Variants in CEP120 observed in about 807,000 individuals in gnomAD.
CEP120 encodes the protein centrosomal protein of 120 kDa.
Under a neutral mutation model 126.5 loss-of-function variants are expected in CEP120, and 113 were observed. The ratio of observed to expected loss-of-function variants is 0.89; its 90% CI spans 0.77 to 1.04. The LOEUF (loss-of-function observed/expected upper bound fraction) is 1.04. Ranked by LOEUF, CEP120 falls within the 50% of genes least tolerant of loss-of-function variation. CEP120 has a pLI of 0.00. For synonymous variants in CEP120, 400 were observed against 394.3 expected (o/e 1.01, Z -0.17); for missense variants, 1,230 against 1,155.7 (o/e 1.06, Z -0.93).
intron 3 of CEP120, among the ~76,000 whole-genome samples, chr5:123,413,459 T>G (rs1202592264): frequency 6.6e-6 from 1 of 152,078 alleles, no homozygotes; most frequent in South Asian, 2.1e-4. Flanking sequence ...CTAAATTATT[T>G]GAATATCCCC....
intron 3 of CEP120, among the ~76,000 whole-genome samples, chr5:123,415,739 T>C (rs532234160): frequency 6.6e-6 from 1 of 152,088 alleles, no homozygotes; most frequent in African/African-American, 2.4e-5. Context: ...GGCGTGGTGG[T>C]GAGTGCCTGT....
At chr5:123,390,168 A>C (rs1174729410) in intron 7 of CEP120, 28 bp from the exon 8 acceptor site, 20 of 1,485,896 alleles carry the variant, frequency 1.3e-5, no homozygotes, top group Non-Finnish European at 1.8e-5. Flanking sequence ...ATAAAGTATA[A>C]TTTGCAAAGA....
intron 4 of CEP120, among the ~76,000 whole-genome samples, chr5:123,406,482 GA>G (rs35321149): frequency 0.44 from 64,612 of 145,524 alleles, 14,079 homozygotes; most frequent in East Asian, 0.48. Context: ...AGCCAAACGG[GA>G]AAAAAAAAAT....
At chr5:123,355,196 T>C (rs1282490329) in intron 18 of CEP120, among the ~76,000 whole-genome samples, 29 of 152,186 alleles carry the variant, frequency 1.9e-4, no homozygotes, top group East Asian at 1.7e-3. Flanking sequence ...TGTTGGACAT[T>C]TGGGTTGGTT....
chr5:123,415,559 A>G (rs946994457), intron 3 of CEP120, among the ~76,000 whole-genome samples: 10 of 152,230 alleles, frequency 6.6e-5, no homozygotes, highest in Admixed American at 6.5e-4. Flanking sequence ...TCTAAATCTA[A>G]TTCATAAACT....
chr5:123,389,323 G>T (rs1211176835), intron 8 of CEP120, among the ~76,000 whole-genome samples: 1 of 152,090 alleles, frequency 6.6e-6, no homozygotes, highest in Non-Finnish European at 1.5e-5. Context: ...AGATATTTAA[G>T]AATCTAATCA....
intron 5 of CEP120, among the ~76,000 whole-genome samples, chr5:123,394,577 G>A (rs1488804606): frequency 6.6e-6 from 1 of 152,144 alleles, no homozygotes; most frequent in African/African-American, 2.4e-5. Flanking sequence ...CGCAGCCTGA[G>A]GGTTGAGGAT....
At chr5:123,412,715 T>C (rs1184417048) in intron 3 of CEP120, among the ~76,000 whole-genome samples, 175 bp from the exon 4 acceptor site, 2 of 152,194 alleles carry the variant, frequency 1.3e-5, no homozygotes, top group Non-Finnish European at 2.9e-5. Flanking sequence ...ATCAACTGAA[T>C]TTCCCTCTAG....
chr5:123,358,637 TAAGAA>T (rs1419846125), intron 18 of CEP120, among the ~76,000 whole-genome samples: 10 of 152,092 alleles, frequency 6.6e-5, no homozygotes, highest in African/African-American at 2.4e-4. Flanking sequence ...TTCTAAAACG[TAAGAA>T]AATCCTTTAA....
At chr5:123,355,378 A>T (rs1048337476) in intron 18 of CEP120, among the ~76,000 whole-genome samples, 2 of 152,066 alleles carry the variant, frequency 1.3e-5, no homozygotes, top group Admixed American at 1.3e-4. Context: ...TCCACAATGG[A>T]TGAACTAGTT....
At chr5:123,416,295 G>C (rs1774388118) in intron 2 of CEP120, among the ~76,000 whole-genome samples, 171 bp from the exon 3 acceptor site, 1 of 152,126 alleles carries the variant, frequency 6.6e-6, no homozygotes, top group African/African-American at 2.4e-5. Context: ...AGGCGCAATG[G>C]CTCACGCCTG....
rs1009217977 is a variant in CEP120, at chr5:123,356,664, C to CT, written c.2581-6576dup. ...TCTTGTTACTAAATCATTTTTAACTCTTTTTTTTAGAAATATGTATCCCTC... is the reference window on the plus strand; with the variant it reads ...TCTTGTTACTAAATCATTTTTAACTCTTTTTTTTTAGAAATATGTATCCCTC... On this transcript the variant is annotated intron_variant, in intron 18 of 19. Transcript: ENST00000306467. 4.6e-5 allele frequency among the ~76,000 whole-genome samples: 7 copies of CT among 151,756 alleles called. No individual in the cohort carries two copies. The East Asian group carries it at 9.7e-4, about 21-fold the overall frequency.
intron 19 of CEP120, among the ~76,000 whole-genome samples, chr5:123,347,190 T>C (rs987627989): frequency 2.0e-5 from 3 of 152,190 alleles, no homozygotes; most frequent in African/African-American, 7.2e-5. Flanking sequence ...TTCTCATTTA[T>C]ATAGAGATTT....
chr5:123,382,686 A>G (rs1350136270), intron 13 of CEP120, 51 bp downstream of exon 13: 1 of 1,533,396 alleles, frequency 6.5e-7, no homozygotes, highest in Admixed American at 2.0e-5. Flanking sequence ...AGAAGGAAAA[A>G]TATACAGAGC....
At chr5:123,397,508 T>C (rs1772865550) in intron 5 of CEP120, among the ~76,000 whole-genome samples, 1 of 152,134 alleles carries the variant, frequency 6.6e-6, no homozygotes, top group African/African-American at 2.4e-5. Flanking sequence ...TAACAATCCA[T>C]AAGCAGACCT....
intron 19 of CEP120, among the ~76,000 whole-genome samples, chr5:123,347,678 C>T (rs1412886046): frequency 6.6e-6 from 1 of 152,126 alleles, no homozygotes; most frequent in African/African-American, 2.4e-5. Flanking sequence ...CAAGGTCTCA[C>T]TCTGTCGCCC....
chr5:123,395,492 C>G (rs1315723434), intron 5 of CEP120, among the ~76,000 whole-genome samples: 2 of 152,104 alleles, frequency 1.3e-5, no homozygotes, highest in Non-Finnish European at 1.5e-5. Context: ...TAAGCAGCAA[C>G]ACCCTACCAT....
In CEP120 at chr5:123,416,135, A is replaced by T. The variant is rs754146469; in HGVS notation, c.207-11T>A. On this transcript the variant is annotated splice_polypyrimidine_tract_variant and intron_variant, in intron 2 of 19. Transcript: ENST00000306467. ...GGAGTACGCTGTAGCCTATAACAAA[A>T]CATGTGATAAATAAAATGGTTTTTG... 6.7e-7 allele frequency: 1 copy of T among 1,497,050 alleles called. No individual in the cohort carries two copies. Among genetic ancestry groups the T allele is most frequent in the Non-Finnish European group, 9.2e-7 (1 of 1,081,894 alleles). The allele number at this position is 1,497,050 out of a possible 1,614,324, so 92.7% of individuals were successfully genotyped here. A position where few individuals can be genotyped will look rare whatever the true frequency, so the allele number is the denominator to read the frequency against.
intron 17 of CEP120, among the ~76,000 whole-genome samples, chr5:123,369,235 C>T (rs1241209616): frequency 1.3e-5 from 2 of 151,882 alleles, no homozygotes; most frequent in Non-Finnish European, 2.9e-5. Flanking sequence ...TATTTACAAA[C>T]ATACAATTTA....
Sources: gnomAD v4.1 joint callset for allele counts (sites outside exome capture counted in the v4.1 genomes callset) on GRCh38, gnomAD v4.1.1 for gene constraint, MANE v1.5 for transcripts, NCBI Gene and HGNC (gene_info 2026-07-23, HGNC 2026-07-21) for gene names.